Variants in CTBP2 observed in about 807,000 individuals in gnomAD.
The protein encoded by CTBP2 is C-terminal binding protein 2.
In CTBP2, 30 loss-of-function variants were observed where a neutral mutation model predicts 80.3. The observed-to-expected ratio is 0.37, with a 90% CI of 0.28 to 0.51. The LOEUF (loss-of-function observed/expected upper bound fraction) is 0.51, where lower values mean the gene tolerates loss of function less well. Ranked by LOEUF, CTBP2 falls within the 20% of genes least tolerant of loss-of-function variation. The pLI, the probability that CTBP2 is intolerant of heterozygous loss-of-function variation, is 0.93. For missense variants in CTBP2, 1,212 were observed against 1,375.3 expected, an observed-to-expected ratio of 0.88 and a Z score of 1.88; for synonymous variants, 594 against 587.4, an observed-to-expected ratio of 1.01 and a Z score of -0.16.
chr10:125,121,853 A>G (rs548247962), intron 1 of CTBP2, among the ~76,000 whole-genome samples: 27 of 152,362 alleles, frequency 1.8e-4, no homozygotes, highest in African/African-American at 6.5e-4. Flanking sequence ...CCTCCCAAAC[A>G]GCAGCCCCTT....
chr10:125,037,813 G>A (rs1231814076), intron 3 of CTBP2, among the ~76,000 whole-genome samples: 1 of 152,160 alleles, frequency 6.6e-6, no homozygotes, highest in East Asian at 1.9e-4. Context: ...AGAGTAAAGT[G>A]CTGCCCCTGA....
intron 1 of CTBP2, among the ~76,000 whole-genome samples, chr10:125,141,140 CA>C (rs111428779): frequency 0.14 from 18,337 of 128,470 alleles, 1,353 homozygotes; most frequent in African/African-American, 0.23. Context: ...GAGACTCTGT[CA>C]AAAAAAAAAA....
chr10:125,127,412 T>C (rs987221072), intron 1 of CTBP2, among the ~76,000 whole-genome samples: 2 of 152,130 alleles, frequency 1.3e-5, no homozygotes, highest in Admixed American at 6.6e-5. Flanking sequence ...TGCACGTCAG[T>C]TCCTGGGAAG....
chr10:125,108,516 G>A (rs1279422481), intron 2 of CTBP2, among the ~76,000 whole-genome samples: 2 of 152,054 alleles, frequency 1.3e-5, no homozygotes, highest in African/African-American at 4.8e-5. Flanking sequence ...CCTTACTTTG[G>A]TTACAATCCC....
chr10:125,098,655 GGGGAGAGAGAGAGAGAGAGAGAGAGA>G (rs1849945699), intron 2 of CTBP2, among the ~76,000 whole-genome samples: 3 of 24,836 alleles, frequency 1.2e-4, no homozygotes, highest in South Asian at 1.3e-3. Context: ...AATGGGGGAG[GGGGAGAGAGAGAGAGAGAGAGAGAGA>G]GAGAGAGAGA....
rs1589859487 is a variant in CTBP2 at position 124,984,481 on chromosome 10, G to A, written c.*5037C>T. On this transcript the variant is annotated 3_prime_UTR_variant, in exon 9 of 9. Transcript: ENST00000309035. ...TGTCATGTGTTTGAAGCTGTGGCTT[G>A]CCAGGATCAGTTTATTAGGACATTT... is the stretch of plus-strand genomic sequence containing the variant. The A allele has an allele frequency of 3.0e-6, 1 of 328,736 alleles. No individual in the cohort carries two copies. The highest frequency in any genetic ancestry group is 5.5e-6 in the Non-Finnish European group (1 of 181,038). 20.4% of individuals were successfully genotyped at this position (328,736 alleles called of 1,614,324 possible).
At chr10:125,103,466 CCT>C (rs992414750) in intron 2 of CTBP2, among the ~76,000 whole-genome samples, 13 of 152,256 alleles carry the variant, frequency 8.5e-5, no homozygotes, top group African/African-American at 3.1e-4. Flanking sequence ...TTTAACTTCC[CCT>C]GATACAGGAA....
intron 3 of CTBP2, among the ~76,000 whole-genome samples, chr10:125,002,038 A>G (rs1378161468): frequency 6.6e-6 from 1 of 152,264 alleles, no homozygotes; most frequent in Non-Finnish European, 1.5e-5. Context: ...AGCCGATGGG[A>G]GAGAGGTGGG....
chr10:125,089,044 A>T (rs372969219), intron 2 of CTBP2, among the ~76,000 whole-genome samples: 15 of 152,354 alleles, frequency 9.8e-5, no homozygotes, highest in African/African-American at 3.1e-4. Flanking sequence ...GAGACACAAA[A>T]GCCATGTTCT....
chr10:125,151,665 G>C (rs576230914), intron 1 of CTBP2, among the ~76,000 whole-genome samples: 1 of 152,358 alleles, frequency 6.6e-6, no homozygotes, highest in African/African-American at 2.4e-5. Context: ...CGACCGCTGC[G>C]GGGTGGAGGC....
At chr10:125,009,071 G>C (rs1371052611) in intron 1 of CTBP2, among the ~76,000 whole-genome samples, 1 of 152,234 alleles carries the variant, frequency 6.6e-6, no homozygotes, top group Non-Finnish European at 1.5e-5. Context: ...ACGGAAACTG[G>C]ACACAGCGGT....
intron 1 of CTBP2, among the ~76,000 whole-genome samples, chr10:125,156,826 CTG>C (rs1281735953): frequency 2.4e-4 from 37 of 152,248 alleles, no homozygotes; most frequent in African/African-American, 8.2e-4. Context: ...AGTAAAATTT[CTG>C]GAGTTTTAAA....
chr10:125,089,904 G>T (rs1216574298), intron 2 of CTBP2, among the ~76,000 whole-genome samples: 3 of 152,146 alleles, frequency 2.0e-5, no homozygotes, highest in African/African-American at 7.2e-5. Context: ...CCCTCCCCTG[G>T]AAGTCTGCAC....
chr10:125,112,107 CTTTTTTTTTTTT>C (rs59148637), intron 1 of CTBP2, among the ~76,000 whole-genome samples: 9 of 123,756 alleles, frequency 7.3e-5, no homozygotes, highest in Admixed American at 6.0e-4. Context: ...CTGCATTTGA[CTTTTTTTTTTTT>C]TTTTTTTTTG....
chr10:125,157,435 T>TTATCTTTCTGAA (rs1449818604), intron 1 of CTBP2, among the ~76,000 whole-genome samples: 1 of 151,316 alleles, frequency 6.6e-6, no homozygotes, highest in Non-Finnish European at 1.5e-5. Context: ...ATTCTTTACC[T>TTATCTTTCTGAA]TATCTTTCTG....
rs1252950682 is a variant in CTBP2 at position 125,112,435 on chromosome 10, T to G, written c.-205-1342A>C. On this transcript the variant is annotated intron_variant, in intron 1 of 10. Transcript: ENST00000337195. ...GCCATCATTCTACCTTTTTCGTTTTTTTTTTTTTTTTGAGACGTAGTCTCA... is the reference window on the plus strand; with the variant it reads ...GCCATCATTCTACCTTTTTCGTTTTGTTTTTTTTTTTGAGACGTAGTCTCA... 6.8e-5 allele frequency among the ~76,000 whole-genome samples: 10 copies of G among 147,150 alleles called. 1 individual carries two copies. The highest frequency in any genetic ancestry group is 2.0e-4 in the East Asian group (1 of 5,000).
chr10:124,992,451 A>C (rs1223097672), intron 8 of CTBP2, among the ~76,000 whole-genome samples: 1 of 152,070 alleles, frequency 6.6e-6, no homozygotes, highest in Admixed American at 6.6e-5. Context: ...AGTTCCTAGC[A>C]CCTGTGGTCA....
intron 1 of CTBP2, among the ~76,000 whole-genome samples, chr10:125,136,366 C>T (rs1470311940): frequency 5.9e-5 from 9 of 152,192 alleles, no homozygotes; most frequent in African/African-American, 1.9e-4. Context: ...CCAGCTTGAT[C>T]GCCTGCCCAG....
chr10:125,035,200 A>T (rs1958725772), intron 3 of CTBP2, among the ~76,000 whole-genome samples: 1 of 152,192 alleles, frequency 6.6e-6, no homozygotes, highest in South Asian at 2.1e-4. Context: ...AGACTTTCTA[A>T]CTATCTATGT....
Sources: allele counts gnomAD v4.1 joint callset (sites outside exome capture counted in the v4.1 genomes callset), GRCh38; gene constraint gnomAD v4.1.1; transcripts MANE v1.5; gene names NCBI Gene and HGNC (gene_info 2026-07-23, HGNC 2026-07-21).